Variants in INSYN2A observed in about 807,000 individuals in gnomAD.
INSYN2A encodes family with sequence similarity 196 member A.
INSYN2A carries 17 observed loss-of-function variants against 39.4 expected under a neutral mutation model. The ratio of observed to expected loss-of-function variants is 0.43; its 90% CI spans 0.30 to 0.65. INSYN2A has a LOEUF of 0.65. INSYN2A is among the 30% of genes least tolerant of loss of function. INSYN2A has a pLI of 0.14. For synonymous variants in INSYN2A, 255 were observed against 265.7 expected, an observed-to-expected ratio of 0.96 and a Z score of 0.39; for missense variants, 595 against 631.2, an observed-to-expected ratio of 0.94 and a Z score of 0.61.
intron 5 of INSYN2A, among the ~76,000 whole-genome samples, chr10:127,152,597 G>T (rs549561385): frequency 1.3e-5 from 2 of 152,302 alleles, no homozygotes; most frequent in South Asian, 4.1e-4. Context: ...TTTGGGACTG[G>T]ATAGCTCTTG....
chr10:127,195,697 C>T (rs1350061325), intron 1 of INSYN2A, among the ~76,000 whole-genome samples: 2 of 152,222 alleles, frequency 1.3e-5, no homozygotes, highest in Non-Finnish European at 1.5e-5. Flanking sequence ...GAACCCACAT[C>T]GCAGAGGCGC....
At chr10:127,144,843 G>A (rs903775286) in intron 5 of INSYN2A, among the ~76,000 whole-genome samples, 1 of 152,122 alleles carries the variant, frequency 6.6e-6, no homozygotes, top group Non-Finnish European at 1.5e-5. Flanking sequence ...TATCACTGTA[G>A]GGCTTCAAAT....
chr10:127,190,461 A>T (rs967096445), intron 2 of INSYN2A, among the ~76,000 whole-genome samples: 4 of 152,178 alleles, frequency 2.6e-5, no homozygotes, highest in African/African-American at 9.7e-5. Context: ...TAGCCTCATT[A>T]AATATTTATT....
At chr10:127,184,738 T>C (rs1374375663) in intron 2 of INSYN2A, among the ~76,000 whole-genome samples, 1 of 152,200 alleles carries the variant, frequency 6.6e-6, no homozygotes, top group Non-Finnish European at 1.5e-5. Context: ...GTCTCTACTT[T>C]GTGTCTTCAC....
At chr10:127,171,055 A>G (rs569203443) in intron 4 of INSYN2A, among the ~76,000 whole-genome samples, 2 of 152,340 alleles carry the variant, frequency 1.3e-5, no homozygotes, top group African/African-American at 4.8e-5. Flanking sequence ...TGTGCTGGTT[A>G]TAAGTGGGAG....
intron 4 of INSYN2A, among the ~76,000 whole-genome samples, chr10:127,168,816 A>G (rs550226438): frequency 1.3e-5 from 2 of 152,340 alleles, no homozygotes; most frequent in African/African-American, 4.8e-5. Context: ...GTTTATGCAC[A>G]GCTGCTGCAG....
At chr10:127,172,770 C>G (rs989700305) in intron 4 of INSYN2A, among the ~76,000 whole-genome samples, 1 of 152,102 alleles carries the variant, frequency 6.6e-6, no homozygotes, top group African/African-American at 2.4e-5. Flanking sequence ...TAAAACCATC[C>G]TTTGTCTTGA....
intron 1 of INSYN2A, among the ~76,000 whole-genome samples, chr10:127,195,527 C>CT (rs1163016557): frequency 6.6e-6 from 1 of 151,992 alleles, no homozygotes; most frequent in South Asian, 2.1e-4. Context: ...AACTCATCCC[C>CT]CCCCCGAAGT....
rs2133912967 is a variant in INSYN2A, at chr10:127,176,689, TTCA to T, written c.-6+185_-6+187del. ...CATTAGACAAACCTGTTTTACTACA[TTCA>T]TCAAGAAACCCAATGATGCTGCCTC... On this transcript the variant is annotated intron_variant, in intron 3 of 5. Coordinates refer to ENST00000522781, the MANE Select transcript of INSYN2A (RefSeq NM_001039762.3). This position sits in a 1 kb window ranked among gnomAD's most constrained non-coding sequence, Gnocchi z 4.4. Among the ~76,000 whole-genome samples, 1 of 152,302 alleles carries T rather than the reference TTCA, an allele frequency of 6.6e-6. No homozygotes were observed. The highest frequency in any genetic ancestry group is 2.4e-5 in the African/African-American group (1 of 41,560).
chr10:127,166,134 C>T (rs1330845629), intron 4 of INSYN2A, among the ~76,000 whole-genome samples: 6 of 152,114 alleles, frequency 3.9e-5, no homozygotes, highest in East Asian at 1.9e-4. Context: ...GGCACAATCT[C>T]GGCTCACTGC....
At chr10:127,164,523 C>T (rs1358873707) in intron 4 of INSYN2A, among the ~76,000 whole-genome samples, 1 of 152,028 alleles carries the variant, frequency 6.6e-6, no homozygotes, top group Non-Finnish European at 1.5e-5. Context: ...TAGCCCTGTC[C>T]CAGCAACTTG....
chr10:127,147,494 T>G (rs2052000012), intron 5 of INSYN2A, among the ~76,000 whole-genome samples: 1 of 152,064 alleles, frequency 6.6e-6, no homozygotes, highest in African/African-American at 2.4e-5. Flanking sequence ...CACCTGTGGC[T>G]CTCACCTTCC....
Position 127,167,819 on chromosome 10 carries a change from C to G in INSYN2A, c.1184+7393G>C, listed in dbSNP as rs572133286. ...CATTTAGTGATCCTCACCACCACCC[C>G]CCATCCCCAAAATACACCACCCTGT... is the stretch of plus-strand genomic sequence containing the variant. On this transcript the variant is annotated intron_variant, in intron 4 of 5. Coordinates refer to ENST00000522781, the MANE Select transcript of INSYN2A (RefSeq NM_001039762.3). Among the ~76,000 whole-genome samples, 10 of 152,044 alleles carry G rather than the reference C, an allele frequency of 6.6e-5. No homozygotes were observed. In the South Asian group the frequency reaches 2.1e-3, roughly 32 times the overall value.
At chr10:127,170,745 T>A (rs1349637846) in intron 4 of INSYN2A, among the ~76,000 whole-genome samples, 1 of 152,200 alleles carries the variant, frequency 6.6e-6, no homozygotes, top group African/African-American at 2.4e-5. Context: ...CTGTCCCATT[T>A]GCCTTGTTCT....
At chr10:127,141,519 A>G (rs1454180538) in intron 5 of INSYN2A, among the ~76,000 whole-genome samples, 1 of 152,170 alleles carries the variant, frequency 6.6e-6, no homozygotes, top group Non-Finnish European at 1.5e-5. Context: ...TCTGGCCAAC[A>G]TGGTGAAACC....
In INSYN2A at chr10:127,138,366, G is replaced by A. The variant is rs10829469; in HGVS notation, c.1257-346C>T. Among the ~76,000 whole-genome samples, 349 of 152,258 alleles carry A rather than the reference G, an allele frequency of 2.3e-3. 2 individuals are homozygous for A. The highest frequency in any genetic ancestry group is 7.9e-3 in the African/African-American group (328 of 41,550). ...CACATGGGCCTCATGGAGTAAAACAGAAAACCAAAAGTATGAGTGGGCAGG... is the reference window on the plus strand; with the variant it reads ...CACATGGGCCTCATGGAGTAAAACAAAAAACCAAAAGTATGAGTGGGCAGG... On this transcript the variant is annotated intron_variant, in intron 5 of 5. Coordinates refer to ENST00000522781, the MANE Select transcript of INSYN2A (RefSeq NM_001039762.3).
At chr10:127,172,853 A>G (rs1418817890) in intron 4 of INSYN2A, among the ~76,000 whole-genome samples, 1 of 152,178 alleles carries the variant, frequency 6.6e-6, no homozygotes, top group Non-Finnish European at 1.5e-5. Context: ...GGAGTGAATG[A>G]CATTTCGTGA....
intron 5 of INSYN2A, among the ~76,000 whole-genome samples, chr10:127,139,095 TG>T (rs2050978936): frequency 6.6e-6 from 1 of 152,218 alleles, no homozygotes; most frequent in South Asian, 2.1e-4. Flanking sequence ...ATGTCTGGTC[TG>T]GATGCCAGAC....
At chr10:127,162,607 G>C (rs2053682396) in intron 4 of INSYN2A, among the ~76,000 whole-genome samples, 1 of 152,162 alleles carries the variant, frequency 6.6e-6, no homozygotes, top group Non-Finnish European at 1.5e-5. Context: ...CAGGAATCGA[G>C]ATTTAAACCC....
Sources: allele counts gnomAD v4.1 joint callset (sites outside exome capture counted in the v4.1 genomes callset), GRCh38; gene constraint gnomAD v4.1.1; non-coding constraint Gnocchi (gnomAD v3.1); transcripts MANE v1.5; gene names NCBI Gene and HGNC (gene_info 2026-07-23, HGNC 2026-07-21).